GRIK1: variants seen among roughly 807,000 people sequenced by gnomAD.
GRIK1 encodes glutamate ionotropic receptor kainate type subunit 1, also known as glutamate receptor ionotropic, kainate 1.
A neutral mutation model predicts 105.7 loss-of-function variants in GRIK1; 69 were observed. The ratio of observed to expected loss-of-function variants is 0.65; its 90% CI spans 0.54 to 0.80. The LOEUF (loss-of-function observed/expected upper bound fraction) is 0.80, where lower values mean the gene tolerates loss of function less well. Ranked by LOEUF, GRIK1 falls within the 30% of genes least tolerant of loss-of-function variation. The probability of loss-of-function intolerance (pLI) is 0.00; values close to 1 mark genes in which losing one functional copy is unlikely to be tolerated. For missense variants in GRIK1, 1,109 were observed against 1,167.3 expected (o/e 0.95, Z 0.73); for synonymous variants, 438 against 431.3 (o/e 1.02, Z -0.19).
chr21:29,583,289 T>C (rs2091061314), intron 12 of GRIK1, among the ~76,000 whole-genome samples: 1 of 152,178 alleles, frequency 6.6e-6, no homozygotes, highest in African/African-American at 2.4e-5. Flanking sequence ...AGTAGTTTGC[T>C]GAGCTGAAGA....
chr21:29,731,153 A>C (rs1029991263), intron 1 of GRIK1, among the ~76,000 whole-genome samples: 1 of 152,188 alleles, frequency 6.6e-6, no homozygotes, highest in Non-Finnish European at 1.5e-5. Context: ...CCCTTGTTTG[A>C]TGAGAGGAAT....
intron 1 of GRIK1, among the ~76,000 whole-genome samples, chr21:29,892,599 A>G (rs932626805): frequency 6.6e-6 from 1 of 152,214 alleles, no homozygotes; most frequent in Admixed American, 6.5e-5. Context: ...CCCACCCCAT[A>G]TCAGTTGCTG....
intron 6 of GRIK1, among the ~76,000 whole-genome samples, chr21:29,650,774 G>C (rs553390899): frequency 6.6e-6 from 1 of 152,284 alleles, no homozygotes; most frequent in South Asian, 2.1e-4. Context: ...AAAACTCACA[G>C]GTAGGTTGTT....
chr21:29,629,233 T>TGC (rs2062206776), intron 7 of GRIK1, among the ~76,000 whole-genome samples: 2 of 150,192 alleles, frequency 1.3e-5, no homozygotes, highest in African/African-American at 2.5e-5. Context: ...TGTGTGTGTG[T>TGC]GCTATTTGCA....
At chr21:29,662,486 A>G (rs111641510) in intron 4 of GRIK1, among the ~76,000 whole-genome samples, 1 of 152,240 alleles carries the variant, frequency 6.6e-6, no homozygotes, top group African/African-American at 2.4e-5. Flanking sequence ...AACAAAATCT[A>G]GAAGCTGGAA....
chr21:29,682,567 C>T (rs1386074657), intron 3 of GRIK1, among the ~76,000 whole-genome samples: 1 of 152,110 alleles, frequency 6.6e-6, no homozygotes, highest in Non-Finnish European at 1.5e-5. Flanking sequence ...GCTGAGATAA[C>T]TTGCTAGCCA....
chr21:29,609,533 G>T (rs118065018), intron 7 of GRIK1, among the ~76,000 whole-genome samples: 1,847 of 152,268 alleles, frequency 0.012, 25 homozygotes, highest in Middle Eastern at 0.044. Context: ...CATTTGAATT[G>T]GGGGGCCCAA....
At chr21:29,680,517 C>A (rs1568967869) in intron 3 of GRIK1, among the ~76,000 whole-genome samples, 1 of 152,164 alleles carries the variant, frequency 6.6e-6, no homozygotes, top group Non-Finnish European at 1.5e-5. Flanking sequence ...TTTACTCCTA[C>A]TATTCTTCAA....
chr21:29,874,055 G>T (rs2069110207), intron 1 of GRIK1, among the ~76,000 whole-genome samples: 1 of 152,182 alleles, frequency 6.6e-6, no homozygotes, highest in Admixed American at 6.5e-5. Flanking sequence ...GTGGAGCTCA[G>T]GCGATACTGC....
chr21:29,896,764 G>A (rs1438329869), intron 1 of GRIK1, among the ~76,000 whole-genome samples: 3 of 152,112 alleles, frequency 2.0e-5, no homozygotes, highest in Non-Finnish European at 4.4e-5. Flanking sequence ...TAGCTACTTG[G>A]GTCACTATTG....
intron 1 of GRIK1, among the ~76,000 whole-genome samples, chr21:29,878,921 C>T (rs922301289): frequency 6.6e-6 from 1 of 152,130 alleles, no homozygotes; most frequent in South Asian, 2.1e-4. Flanking sequence ...TTTGCCAGCG[C>T]CTTGATCTTG....
chr21:29,899,677 A>G (rs2070320368), intron 1 of GRIK1, among the ~76,000 whole-genome samples: 1 of 152,050 alleles, frequency 6.6e-6, no homozygotes, highest in Non-Finnish European at 1.5e-5. Context: ...CTGATTATAG[A>G]GATGTCATTT....
intron 1 of GRIK1, among the ~76,000 whole-genome samples, chr21:29,829,664 GC>G (rs1016256110): frequency 2.6e-5 from 4 of 152,128 alleles, no homozygotes; most frequent in African/African-American, 9.7e-5. Context: ...AATTTAAGAA[GC>G]CTTTGAGGAC....
At chr21:29,619,971 A>G (rs2061948888) in intron 7 of GRIK1, among the ~76,000 whole-genome samples, 1 of 152,230 alleles carries the variant, frequency 6.6e-6, no homozygotes, top group South Asian at 2.1e-4. Context: ...GCATCAAAGG[A>G]TGACCAAAGA....
At chr21:29,848,755 GTA>G (rs1555898463) in intron 1 of GRIK1, among the ~76,000 whole-genome samples, 2 of 91,226 alleles carry the variant, frequency 2.2e-5, no homozygotes, top group South Asian at 4.3e-4. Context: ...AGTTGTGTGT[GTA>G]TATATATATA....
intron 3 of GRIK1, among the ~76,000 whole-genome samples, chr21:29,678,499 T>A (rs747618546): frequency 1.3e-5 from 2 of 152,148 alleles, no homozygotes; most frequent in Non-Finnish European, 2.9e-5. Flanking sequence ...GAATTCTCGT[T>A]AAGTTTCAAC....
At chr21:29,901,539 A>C (rs111511644) in intron 1 of GRIK1, among the ~76,000 whole-genome samples, 29 of 152,058 alleles carry the variant, frequency 1.9e-4, no homozygotes, top group African/African-American at 6.3e-4. Flanking sequence ...AAACCAGAAA[A>C]TCTAGAAGAA....
At chr21:29,560,318 T>TCTTTCTTA (rs2090371773) in intron 15 of GRIK1, among the ~76,000 whole-genome samples, 3 of 119,666 alleles carry the variant, frequency 2.5e-5, no homozygotes, top group African/African-American at 1.1e-4. Context: ...TTTCTTTCTT[T>TCTTTCTTA]CTTTCTTTCT....
chr21:29,734,821 C>T (rs1230108792), intron 1 of GRIK1, among the ~76,000 whole-genome samples: 1 of 152,172 alleles, frequency 6.6e-6, no homozygotes, highest in Non-Finnish European at 1.5e-5. Context: ...TACTAATTCC[C>T]CACCATTTTG....
Sources: gnomAD v4.1 joint callset for allele counts (sites outside exome capture counted in the v4.1 genomes callset) on GRCh38, gnomAD v4.1.1 for gene constraint, MANE v1.5 for transcripts, NCBI Gene and HGNC (gene_info 2026-07-23, HGNC 2026-07-21) for gene names.